CEP164: variants seen among roughly 807,000 people sequenced by gnomAD.
CEP164 encodes the protein centrosomal protein of 164 kDa.
Under a neutral mutation model 182.7 loss-of-function variants are expected in CEP164, and 162 were observed. That is an observed-to-expected ratio of 0.89 (90% CI 0.78 to 1.01). CEP164 has a LOEUF of 1.01. Among genes scored for constraint, CEP164 ranks in the 50% least tolerant of loss-of-function variants. The pLI, the probability that CEP164 is intolerant of heterozygous loss-of-function variation, is 0.00. For synonymous variants in CEP164, 661 were observed against 690.0 expected (o/e 0.96, Z 0.66); for missense variants, 1,735 against 1,790.4 (o/e 0.97, Z 0.56).
intron 17 of CEP164, 101 bp from the exon 18 acceptor site, chr11:117,392,125 C>G (rs1434851063): frequency 5.0e-6 from 5 of 1,009,742 alleles, no homozygotes; most frequent in Non-Finnish European, 7.1e-6. Context: ...TCCCTTGACC[C>G]TGATCTCGAG....
At position 117,413,107 on chromosome 11, in the gene CEP164, G is replaced by A. The variant is rs1018694030; in HGVS notation, c.*939G>A. ...GGCCGGTGCCCGGCCCTGGCAGCAA[G>A]GGGTCTTTGTGCAGTTGGAGATGCT... On this transcript the variant is annotated 3_prime_UTR_variant, in exon 33 of 33. Transcript: ENST00000278935. The A allele has an allele frequency of 4.6e-5, 7 of 152,302 alleles. No homozygotes were observed. Among genetic ancestry groups the A allele is most frequent in the African/African-American group, 1.7e-4 (7 of 41,476 alleles). 9.4% of individuals were successfully genotyped at this position (152,302 alleles called of 1,614,324 possible). A position where few individuals can be genotyped will look rare whatever the true frequency, so the allele number is the denominator to read the frequency against.
chr11:117,380,318 T>C (rs1565537912), intron 11 of CEP164, among the ~76,000 whole-genome samples: 1 of 152,240 alleles, frequency 6.6e-6, no homozygotes, highest in East Asian at 1.9e-4. Flanking sequence ...GATTTTCTTT[T>C]TCTTGTGTGT....
intron 12 of CEP164, among the ~76,000 whole-genome samples, chr11:117,381,455 A>T (rs2043305634): frequency 6.6e-6 from 1 of 152,078 alleles, no homozygotes; most frequent in Non-Finnish European, 1.5e-5. Flanking sequence ...AAGCAGAGGC[A>T]GTATAGGGAC....
At position 117,352,011 on chromosome 11, in the gene CEP164, C is replaced by T. The variant is rs933343882; in HGVS notation, c.393+23C>T. 14 of 1,547,750 alleles carry T rather than the reference C, an allele frequency of 9.0e-6. No individual in the cohort carries two copies. The Admixed American group carries it at 2.6e-4, about 29-fold the overall frequency. ...CTGGTGAGTCAGTGGATGCCTCCTC[C>T]CAGAGAGGCCAGGGCTGAAATCTGG... On this transcript the variant is annotated intron_variant, in intron 5 of 32. Transcript: ENST00000278935.
chr11:117,371,093 C>T lies in CEP164; in HGVS notation c.779C>T (p.Thr260Ile). 1 of 1,595,410 alleles carries T rather than the reference C, an allele frequency of 6.3e-7. No homozygotes were observed. Among genetic ancestry groups the T allele is most frequent in the Non-Finnish European group, 8.6e-7 (1 of 1,168,980 alleles). The change falls in exon 9 of 33, where the codon ACA becomes ATA. Residue 260 changes from threonine (T) to isoleucine (I), a missense_variant. Transcript: ENST00000278935. The stretch of plus-strand genomic sequence containing the variant: ...GTTGCTCCCTAGGAGTCTCTGAGAA[C>T]AAGCCAGCCAGAGGAGAAGAAGGAT... ...GDFEYEESLR[T>I]SQPEEKKDVS...
At chr11:117,372,050 A>G (rs59914935) in intron 9 of CEP164, among the ~76,000 whole-genome samples, 1 of 151,708 alleles carries the variant, frequency 6.6e-6, no homozygotes, top group South Asian at 2.1e-4. Context: ...CGTGTTGCCC[A>G]GGCTGGTCTC....
intron 1 of CEP164, among the ~76,000 whole-genome samples, chr11:117,331,468 GTGT>G (rs966344455): frequency 1.3e-5 from 2 of 152,190 alleles, no homozygotes; most frequent in Non-Finnish European, 2.9e-5. Context: ...CACTTTATAA[GTGT>G]TGTTTCATTT....
intron 27 of CEP164, 66 bp from the exon 28 acceptor site, chr11:117,407,859 G>A (rs1247954396): frequency 4.3e-6 from 5 of 1,173,534 alleles, no homozygotes; most frequent in Non-Finnish European, 6.2e-6. Context: ...GTCAGCAAAT[G>A]GCAGGGTTGG....
At position 117,412,274 on chromosome 11, in the gene CEP164, T is replaced by A; in HGVS notation, c.*106T>A. 9.9e-7 allele frequency: 1 copy of A among 1,007,674 alleles called. No homozygotes were observed. The highest frequency in any genetic ancestry group is 1.4e-6 in the Non-Finnish European group (1 of 691,992). 62.4% of individuals were successfully genotyped at this position (1,007,674 alleles called of 1,614,324 possible). On this transcript the variant is annotated 3_prime_UTR_variant, in exon 33 of 33. Transcript: ENST00000278935. ...TCTGAGAAAGCACCCTCCTTCCCCC[T>A]TTGACTTGCAGGAGCCACCAGGGAC... is the stretch of plus-strand genomic sequence containing the variant.
At position 117,373,741 on chromosome 11, in the gene CEP164, G is replaced by A. The variant is rs747543119; in HGVS notation, c.1153-10G>A. The A allele has an allele frequency of 1.2e-6, 2 of 1,612,854 alleles. No homozygotes were observed. The highest frequency in any genetic ancestry group is 1.7e-6 in the Non-Finnish European group (2 of 1,178,990). ...CTCTGAGGGATTTCTCTGTGGGTCTGTCTCTCCAGGAACTGGAAATTAGTG... is the reference window on the plus strand; with the variant it reads ...CTCTGAGGGATTTCTCTGTGGGTCTATCTCTCCAGGAACTGGAAATTAGTG... On this transcript the variant is annotated splice_polypyrimidine_tract_variant and intron_variant, in intron 9 of 32. Transcript: ENST00000278935.
Position 117,363,436 on chromosome 11 carries a change from A to G in CEP164, c.695A>G (p.His232Arg). ...DEEESDNQSVHSSSEPLRNLH... is the reference protein window; with the variant it reads ...DEEESDNQSVRSSSEPLRNLH... Reference sequence around the variant, plus strand: ...CATCATTTTTGTTTCTAGAGTGTCCACAGCTCAAGTGAGCCTCTTAGGAAC... The same window carrying G: ...CATCATTTTTGTTTCTAGAGTGTCCGCAGCTCAAGTGAGCCTCTTAGGAAC... Residue 232 changes from histidine to arginine, a missense_variant, in exon 8 of 33, where the codon CAC (histidine) becomes CGC (arginine). His to Arg is a conservative substitution (Grantham distance 29). Coordinates refer to ENST00000278935, the MANE Select transcript of CEP164 (RefSeq NM_014956.5). The G allele has an allele frequency of 6.2e-7, 1 of 1,613,570 alleles. No individual in the cohort carries two copies.
intron 10 of CEP164, among the ~76,000 whole-genome samples, chr11:117,374,763 G>GA (rs1381283926): frequency 2.6e-5 from 4 of 152,270 alleles, no homozygotes; most frequent in Non-Finnish European, 5.9e-5. Context: ...CCCATGTGGA[G>GA]AAACGTGCCC....
chr11:117,396,272 GA>G, intron 25 of CEP164, 92 bp downstream of exon 25: 2 of 1,420,502 alleles, frequency 1.4e-6, no homozygotes, highest in Non-Finnish European at 2.0e-6. Flanking sequence ...TTCCAGAGGG[GA>G]CAGCTCATCA....
chr11:117,382,108 G>C (rs1030556117), intron 13 of CEP164, among the ~76,000 whole-genome samples: 9 of 152,142 alleles, frequency 5.9e-5, no homozygotes, highest in African/African-American at 1.9e-4. Context: ...GCTGAAATCA[G>C]GGTATGTGGT....
At chr11:117,349,683 AT>A (rs1487544018) in intron 4 of CEP164, among the ~76,000 whole-genome samples, 1 of 152,064 alleles carries the variant, frequency 6.6e-6, no homozygotes, top group Non-Finnish European at 1.5e-5. Context: ...TGTGAAATCT[AT>A]TTTATATTTA....
At chr11:117,347,119 T>C (rs974601712) in intron 4 of CEP164, among the ~76,000 whole-genome samples, 10 of 152,176 alleles carry the variant, frequency 6.6e-5, no homozygotes, top group African/African-American at 2.4e-4. Flanking sequence ...AGCTGCATAC[T>C]TTCCCGTGTA....
chr11:117,398,630 C>G (rs1004100475), intron 27 of CEP164, among the ~76,000 whole-genome samples: 1 of 152,256 alleles, frequency 6.6e-6, no homozygotes, highest in Admixed American at 6.5e-5. Context: ...TTCTTGACTT[C>G]TGTGCAGCCG....
In CEP164 at chr11:117,381,776, C is replaced by CA; in HGVS notation, c.1485_1486insA (p.Gln496ThrfsTer42). The CA allele has an allele frequency of 6.3e-7, 1 of 1,597,472 alleles. No individual in the cohort carries two copies. Among genetic ancestry groups the CA allele is most frequent in the Non-Finnish European group, 8.5e-7 (1 of 1,171,770 alleles). On this transcript the variant is annotated frameshift_variant, in exon 13 of 33. Transcript: ENST00000278935. LOFTEE classifies it high-confidence loss of function. ...GCCTGGCCACTGAAGAAGAGCCTCCCCAGGGCCCCGAGGGGCAGCCCGAGT... is the reference window on the plus strand; with the variant it reads ...GCCTGGCCACTGAAGAAGAGCCTCCCACAGGGCCCCGAGGGGCAGCCCGAGT...
intron 8 of CEP164, among the ~76,000 whole-genome samples, chr11:117,368,093 AC>A (rs2041838847): frequency 6.6e-6 from 1 of 152,238 alleles, no homozygotes; most frequent in Non-Finnish European, 1.5e-5. Context: ...TGTGCTAGAA[AC>A]TAAGTACTGA....
Sources: allele counts gnomAD v4.1 joint callset (sites outside exome capture counted in the v4.1 genomes callset), GRCh38; gene constraint gnomAD v4.1.1; transcripts MANE v1.5; gene names NCBI Gene and HGNC (gene_info 2026-07-23, HGNC 2026-07-21).